SNX6: variants seen among roughly 807,000 people sequenced by gnomAD.
The protein encoded by SNX6 is sorting nexin-6.
SNX6 carries 34 observed loss-of-function variants against 63.0 expected under a neutral mutation model. The observed-to-expected ratio is 0.54, with a 90% confidence interval of 0.41 to 0.72. SNX6 has a LOEUF of 0.72. Among genes scored for constraint, SNX6 ranks in the 30% least tolerant of loss-of-function variants. The probability of loss-of-function intolerance (pLI) is 0.00; values close to 1 mark genes in which losing one functional copy is unlikely to be tolerated. For synonymous variants in SNX6, 170 were observed against 164.2 expected (o/e 1.04, Z -0.27); for missense variants, 398 against 471.4 (o/e 0.84, Z 1.44).
At chr14:34,625,493 G>A (rs1883792045) in intron 2 of SNX6, among the ~76,000 whole-genome samples, 2 of 152,118 alleles carry the variant, frequency 1.3e-5, no homozygotes, top group Admixed American at 1.3e-4. Flanking sequence ...AGCACTTTGG[G>A]AGGCCGAGGC....
intron 2 of SNX6, 77 bp downstream of exon 2, chr14:34,629,830 C>T: frequency 1.9e-6 from 3 of 1,542,478 alleles, no homozygotes; most frequent in Non-Finnish European, 2.6e-6. Context: ...GGGGACCCAT[C>T]CCCGTACCAC....
chr14:34,622,976 T>C (rs1222667654), intron 2 of SNX6, among the ~76,000 whole-genome samples: 2 of 152,232 alleles, frequency 1.3e-5, no homozygotes, highest in Non-Finnish European at 2.9e-5. Flanking sequence ...TATCATTATG[T>C]CTTTACTACT....
intron 10 of SNX6, among the ~76,000 whole-genome samples, chr14:34,578,915 G>A (rs1447486811): frequency 9.6e-6 from 1 of 103,798 alleles, no homozygotes; most frequent in Non-Finnish European, 1.9e-5. Context: ...CTCCAGCCTG[G>A]CGACAGAGCG....
At position 34,603,572 on chromosome 14, in the gene SNX6, C is replaced by G. The variant is rs1594734346; in HGVS notation, c.393-101G>C. 1.4e-5 allele frequency: 13 copies of G among 950,682 alleles called. No individual in the cohort carries two copies. The East Asian group carries it at 3.8e-4, about 28-fold the overall frequency. 58.9% of individuals were successfully genotyped at this position (950,682 alleles called of 1,614,324 possible). On this transcript the variant is annotated intron_variant, in intron 5 of 13. Coordinates refer to ENST00000362031, the MANE Select transcript of SNX6 (RefSeq NM_152233.4). ...AATACTCTTTGGATTATTCCGAATGCAAATCAGAGATACAAAGATATAATT... is the reference window on the plus strand; with the variant it reads ...AATACTCTTTGGATTATTCCGAATGGAAATCAGAGATACAAAGATATAATT...
chr14:34,592,211 C>T (rs1882421316), intron 8 of SNX6, among the ~76,000 whole-genome samples: 1 of 151,792 alleles, frequency 6.6e-6, no homozygotes, highest in African/African-American at 2.4e-5. Context: ...GACTGTGAAA[C>T]CCCATCTCTA....
intron 2 of SNX6, among the ~76,000 whole-genome samples, chr14:34,626,523 G>A (rs369610191): frequency 6.6e-6 from 1 of 151,692 alleles, no homozygotes; most frequent in Admixed American, 6.6e-5. Flanking sequence ...AATTAGCCGG[G>A]CACGGTCGCG....
chr14:34,609,287 C>T (rs1594740926), intron 3 of SNX6, among the ~76,000 whole-genome samples: 1 of 151,780 alleles, frequency 6.6e-6, no homozygotes, highest in South Asian at 2.1e-4. Flanking sequence ...CTGGCTTACA[C>T]AGTGAAACCC....
At chr14:34,595,213 C>T (rs963410057) in intron 7 of SNX6, among the ~76,000 whole-genome samples, 1 of 152,198 alleles carries the variant, frequency 6.6e-6, no homozygotes, top group African/African-American at 2.4e-5. Context: ...TGGCTCACTG[C>T]AACCTCTGCC....
At chr14:34,604,657 G>A (rs1017565752) in intron 5 of SNX6, among the ~76,000 whole-genome samples, 5 of 152,042 alleles carry the variant, frequency 3.3e-5, no homozygotes, top group Non-Finnish European at 7.4e-5. Context: ...TTTAACAAAA[G>A]GGGAAAGATT....
intron 2 of SNX6, among the ~76,000 whole-genome samples, chr14:34,626,115 T>A (rs1883815300): frequency 6.6e-6 from 1 of 152,070 alleles, no homozygotes; most frequent in Non-Finnish European, 1.5e-5. Context: ...AATATAAATA[T>A]AATGAAACAA....
Position 34,614,657 on chromosome 14 carries a change from C to T in SNX6, c.55-4915G>A, listed in dbSNP as rs532248387. On this transcript the variant is annotated intron_variant, in intron 2 of 13. Transcript: ENST00000362031. ...TTTTGGCCAGCCAAGGTGGCTCACGCGTGGAATCCCTGCACCTTGGGAGGC... is the reference window on the plus strand; with the variant it reads ...TTTTGGCCAGCCAAGGTGGCTCACGTGTGGAATCCCTGCACCTTGGGAGGC... 3.3e-5 allele frequency among the ~76,000 whole-genome samples: 5 copies of T among 152,254 alleles called. No homozygotes were observed. In the East Asian group the frequency reaches 5.8e-4, roughly 18 times the overall value.
chr14:34,618,702 G>A (rs1883516400), intron 2 of SNX6, among the ~76,000 whole-genome samples: 1 of 151,872 alleles, frequency 6.6e-6, no homozygotes, highest in Non-Finnish European at 1.5e-5. Context: ...CTTTGCAACC[G>A]CTGGTTCCCT....
intron 2 of SNX6, among the ~76,000 whole-genome samples, chr14:34,610,062 A>G (rs1455437477): frequency 2.0e-5 from 3 of 152,082 alleles, no homozygotes; most frequent in Non-Finnish European, 2.9e-5. Context: ...AACTCTTTTC[A>G]GCCAGATGTG....
At position 34,562,821 on chromosome 14, in the gene SNX6, T is replaced by C. The variant is rs1229401756; in HGVS notation, c.*301A>G. The C allele has an allele frequency of 1.6e-5, 5 of 313,694 alleles. No individual in the cohort carries two copies. The highest frequency in any genetic ancestry group is 2.9e-5 in the Non-Finnish European group (5 of 172,632). The allele number at this position is 313,694 out of a possible 1,614,324, so 19.4% of individuals were successfully genotyped here. On this transcript the variant is annotated 3_prime_UTR_variant, in exon 14 of 14. Transcript: ENST00000362031. Reference sequence around the variant, plus strand: ...AGAGTGGCAGCCATAAGGAATACTATTTATAAAATAAACAGAGTTATAGAG... The same window carrying C: ...AGAGTGGCAGCCATAAGGAATACTACTTATAAAATAAACAGAGTTATAGAG...
chr14:34,618,680 G>A lies in SNX6; in HGVS notation c.55-8938C>T, dbSNP rs537444295. Among the ~76,000 whole-genome samples the A allele has an allele frequency of 5.9e-5, 9 of 152,070 alleles. No individual in the cohort carries two copies. In the South Asian group the frequency reaches 1.2e-3, roughly 21 times the overall value. ...TTTTTGAACACACAAACATGCTGCC[G>A]TCTCAGGGAGTCTTTGCAACCGCTG... On this transcript the variant is annotated intron_variant, in intron 2 of 13. Transcript: ENST00000362031.
chr14:34,605,559 C>CAAA (rs111249131), intron 5 of SNX6, 37 bp downstream of exon 5: 17 of 1,279,256 alleles, frequency 1.3e-5, no homozygotes, highest in African/African-American at 3.1e-5. Context: ...CAACAACAAC[C>CAAA]AAAAAAAAAA....
intron 8 of SNX6, among the ~76,000 whole-genome samples, chr14:34,592,561 T>C (rs1882439049): frequency 6.6e-6 from 1 of 151,996 alleles, no homozygotes; most frequent in Admixed American, 6.6e-5. Context: ...ATAAAAATAG[T>C]TGTTGTTTTG....
chr14:34,629,492 G>T (rs1883955003), intron 2 of SNX6: 1 of 484,078 alleles, frequency 2.1e-6, no homozygotes, highest in Non-Finnish European at 4.1e-6. Flanking sequence ...GGGTGGGCGG[G>T]AGCAAGTTCG....
intron 2 of SNX6, among the ~76,000 whole-genome samples, chr14:34,614,468 G>A (rs948930343): frequency 6.6e-6 from 1 of 151,224 alleles, no homozygotes; most frequent in Admixed American, 6.6e-5. Flanking sequence ...TCCAAAACCA[G>A]AAACAGAATC....
Sources: allele counts gnomAD v4.1 joint callset (sites outside exome capture counted in the v4.1 genomes callset), GRCh38; gene constraint gnomAD v4.1.1; transcripts MANE v1.5; gene names NCBI Gene and HGNC (gene_info 2026-07-23, HGNC 2026-07-21).